The following PIK3R4 variants were observed in gnomAD, a reference collection of about 807,000 sequenced individuals.
PIK3R4 encodes phosphoinositide-3-kinase regulatory subunit 4, also known as phosphoinositide 3-kinase regulatory subunit 4.
Under a neutral mutation model 136.5 loss-of-function variants are expected in PIK3R4, and 46 were observed. That is an observed-to-expected ratio of 0.34 (90% CI 0.27 to 0.43). PIK3R4 has a LOEUF of 0.43. Among genes scored for constraint, PIK3R4 ranks in the 20% least tolerant of loss-of-function variants. PIK3R4 has a pLI of 1.00. For missense variants in PIK3R4, 1,331 were observed against 1,649.5 expected (o/e 0.81, Z 3.35); for synonymous variants, 557 against 566.7 (o/e 0.98, Z 0.24).
At position 130,713,829 on chromosome 3, in the gene PIK3R4, T is replaced by C. The variant is rs1407598746; in HGVS notation, c.2331+2567A>G. Among the ~76,000 whole-genome samples the C allele has an allele frequency of 2.0e-5, 3 of 152,098 alleles. No homozygotes were observed. The East Asian group carries it at 5.8e-4, about 29-fold the overall frequency. On this transcript the variant is annotated intron_variant, in intron 9 of 19. Coordinates refer to ENST00000356763, the MANE Select transcript of PIK3R4 (RefSeq NM_014602.3). Reference sequence around the variant, plus strand: ...CTGGGACCACAGGTGCCCACCACCATGCCCAGCCAATTTTTTGGATTTTTA... The same window carrying C: ...CTGGGACCACAGGTGCCCACCACCACGCCCAGCCAATTTTTTGGATTTTTA...
chr3:130,711,698 C>T (rs2066633477), intron 9 of PIK3R4, among the ~76,000 whole-genome samples: 1 of 152,142 alleles, frequency 6.6e-6, no homozygotes, highest in African/African-American at 2.4e-5. Context: ...CCTATCTTAA[C>T]AAAGCTTAAA....
At chr3:130,716,276 A>G (rs2066663940) in intron 9 of PIK3R4, 120 bp downstream of exon 9, 1 of 739,292 alleles carries the variant, frequency 1.4e-6, no homozygotes, top group Non-Finnish European at 2.3e-6. Flanking sequence ...TGCCAGATTT[A>G]CTTACTCATT....
Position 130,681,579 on chromosome 3 carries a change from T to C in PIK3R4, c.3620A>G (p.Asn1207Ser), listed in dbSNP as rs1392011006. The C allele has an allele frequency of 8.1e-6, 13 of 1,607,888 alleles. No homozygotes were observed. The highest frequency in any genetic ancestry group is 3.3e-5 in the Admixed American group (2 of 59,970). ...CATGTCCCACATGGACACTTCGTTG[T>C]TGCCCTGAACAGCTAAAGGAAACAA... ...QSWVIAAVQG[N>S]NEVSMWDMET... Residue 1207 changes from asparagine to serine, a missense_variant, in exon 17 of 20, where the codon AAC becomes AGC. Transcript: ENST00000356763.
At chr3:130,731,422 G>A (rs2066759530) in intron 4 of PIK3R4, among the ~76,000 whole-genome samples, 1 of 151,878 alleles carries the variant, frequency 6.6e-6, no homozygotes, top group Non-Finnish European at 1.5e-5. Flanking sequence ...CCCCACCCCT[G>A]CTAGGTTCAA....
intron 13 of PIK3R4, among the ~76,000 whole-genome samples, chr3:130,692,530 C>A (rs557069588): frequency 2.6e-5 from 4 of 152,128 alleles, no homozygotes; most frequent in Non-Finnish European, 4.4e-5. Flanking sequence ...GTATGTAATA[C>A]CTCATTCATT....
At chr3:130,698,441 A>T (rs1285789732) in intron 13 of PIK3R4, among the ~76,000 whole-genome samples, 1 of 152,076 alleles carries the variant, frequency 6.6e-6, no homozygotes, top group African/African-American at 2.4e-5. Flanking sequence ...CCATCTTCAA[A>T]TTCTCTGATT....
chr3:130,705,133 T>C (rs2066599453), intron 12 of PIK3R4, among the ~76,000 whole-genome samples: 10 of 152,254 alleles, frequency 6.6e-5, no homozygotes, highest in Admixed American at 5.9e-4. Context: ...AACCAGCCTG[T>C]TTTCTTTTTA....
chr3:130,692,415 A>G (rs1441841318), intron 13 of PIK3R4, among the ~76,000 whole-genome samples: 1 of 152,140 alleles, frequency 6.6e-6, no homozygotes, highest in East Asian at 1.9e-4. Context: ...TTTATTTTCT[A>G]TGAATTTCCC....
Position 130,728,500 on chromosome 3 carries a change from A to G in PIK3R4, c.1770T>C (p.Asp590=). 6.2e-7 allele frequency: 1 copy of G among 1,613,226 alleles called. No individual in the cohort carries two copies. Among genetic ancestry groups the G allele is most frequent in the Non-Finnish European group, 8.5e-7 (1 of 1,179,628 alleles). ...CAAAAAATGCTCCACGTAGATGCCA[A>G]TCATTCTTATCATTTAGGAAAGTAA... ...HMITFLNDKN[D]WHLRGAFFDS... The change falls in exon 6 of 20, where the codon GAT becomes GAC. Residue 590 remains aspartate, a synonymous_variant. Coordinates refer to ENST00000356763, the MANE Select transcript of PIK3R4 (RefSeq NM_014602.3).
intron 9 of PIK3R4, among the ~76,000 whole-genome samples, chr3:130,713,595 A>G (rs982426186): frequency 6.6e-6 from 1 of 152,190 alleles, no homozygotes; most frequent in African/African-American, 2.4e-5. Context: ...AGCAAGGTAA[A>G]AAGAAGAGAT....
At chr3:130,690,416 G>T in intron 14 of PIK3R4, 74 bp downstream of exon 14, 1 of 895,860 alleles carries the variant, frequency 1.1e-6, no homozygotes, top group Non-Finnish European at 1.6e-6. Flanking sequence ...CAACTACATT[G>T]CAGGGTAGAA....
intron 6 of PIK3R4, among the ~76,000 whole-genome samples, chr3:130,725,413 A>G (rs951983763): frequency 1.3e-5 from 2 of 152,002 alleles, no homozygotes; most frequent in East Asian, 1.9e-4. Flanking sequence ...AATCAGTTAC[A>G]TATCTGAGAA....
intron 4 of PIK3R4, among the ~76,000 whole-genome samples, chr3:130,730,944 A>G (rs941693351): frequency 2.4e-4 from 36 of 152,348 alleles, no homozygotes; most frequent in East Asian, 1.9e-3. Context: ...CAACTGCCTC[A>G]AAGAGAAACC....
intron 14 of PIK3R4, 133 bp from the exon 15 acceptor site, chr3:130,686,555 C>A (rs375703597): frequency 1.7e-6 from 1 of 588,568 alleles, no homozygotes; most frequent in Non-Finnish European, 3.0e-6. Flanking sequence ...AAACGAAAGC[C>A]GACACATTAA....
intron 2 of PIK3R4, among the ~76,000 whole-genome samples, chr3:130,742,363 G>C (rs2066828894): frequency 6.6e-6 from 1 of 152,188 alleles, no homozygotes; most frequent in African/African-American, 2.4e-5. Context: ...ATCAACCACT[G>C]AAATTTTAAA....
intron 9 of PIK3R4, among the ~76,000 whole-genome samples, chr3:130,713,085 T>C (rs1359939837): frequency 6.6e-6 from 1 of 152,218 alleles, no homozygotes; most frequent in East Asian, 1.9e-4. Flanking sequence ...CTCAAATTTG[T>C]TTTAAGGATA....
At chr3:130,689,317 T>G (rs963202710) in intron 14 of PIK3R4, among the ~76,000 whole-genome samples, 3 of 152,092 alleles carry the variant, frequency 2.0e-5, no homozygotes, top group African/African-American at 7.2e-5. Context: ...GTAGGGCCTG[T>G]GGGCTCAGTC....
rs2066616665 is a variant in PIK3R4 at position 130,708,286 on chromosome 3, C to G, written c.2533+5G>C. The G allele has an allele frequency of 6.2e-7, 1 of 1,609,684 alleles. No individual in the cohort carries two copies. The highest frequency in any genetic ancestry group is 1.3e-5 in the African/African-American group (1 of 74,822). ...AGCTACACACACACAAACAAGCATA[C>G]TAACCCCGTTTGTCATCTGGTTCTT... On this transcript the variant is annotated splice_donor_5th_base_variant and intron_variant, in intron 10 of 19. Transcript: ENST00000356763.
chr3:130,744,946 T>A lies in PIK3R4; in HGVS notation c.273A>T (p.Ser91=). 1 of 1,614,246 alleles carries A rather than the reference T, an allele frequency of 6.2e-7. No individual in the cohort carries two copies. Among genetic ancestry groups the A allele is most frequent in the Non-Finnish European group, 8.5e-7 (1 of 1,180,040 alleles). The change falls in exon 2 of 20, where the codon TCA becomes TCT. Residue 91 remains serine (S), a synonymous_variant. Transcript: ENST00000356763. ...TAGCTGCTTTCTCAGATGCTTTTTC[T>A]GATGCTTTCTGGAAAGGTAGACAAT... ...AQNCLPFQKA[S]EKASEKAAML... is the part of the protein sequence containing the mutation.
Sources: gnomAD v4.1 joint callset for allele counts (sites outside exome capture counted in the v4.1 genomes callset) on GRCh38, gnomAD v4.1.1 for gene constraint, MANE v1.5 for transcripts, NCBI Gene and HGNC (gene_info 2026-07-23, HGNC 2026-07-21) for gene names.